Variants in CELF2 observed in about 807,000 individuals in gnomAD.
CELF2 encodes CUGBP Elav-like family member 2, also known as CUG triplet repeat RNA-binding protein 2.
A neutral mutation model predicts 62.6 loss-of-function variants in CELF2; 8 were observed. That is an observed-to-expected ratio of 0.13 (90% CI 0.07 to 0.23). The LOEUF (loss-of-function observed/expected upper bound fraction) is 0.23, where lower values mean the gene tolerates loss of function less well. CELF2 is among the 10% of genes least tolerant of loss of function. The pLI is 1.00. For missense variants in CELF2, 333 were observed against 671.0 expected (o/e 0.50, Z 5.56); for synonymous variants, 258 against 250.0 (o/e 1.03, Z -0.30).
chr10:11,314,757 C>A lies in CELF2; in HGVS notation c.1096+499C>A. ...GATGATTCTTAAAGGTAGCCTCCAGCTCCAAAGTCTAAAGATTCATGACAA... is the reference window on the plus strand; with the variant it reads ...GATGATTCTTAAAGGTAGCCTCCAGATCCAAAGTCTAAAGATTCATGACAA... On this transcript the variant is annotated intron_variant, in intron 10 of 12. Coordinates refer to ENST00000633077, the MANE Select transcript of CELF2 (RefSeq NM_001326342.2). The surrounding 1 kb of genome is among the most constrained non-coding windows in gnomAD (Gnocchi z 5.3). The A allele has an allele frequency of 5.1e-6, 1 of 195,966 alleles. No homozygotes were observed. 12.1% of individuals were successfully genotyped at this position (195,966 alleles called of 1,614,324 possible).
chr10:10,740,023 A>G, the CELF2 span, among the ~76,000 whole-genome samples: 1 of 151,966 alleles, frequency 6.6e-6, no homozygotes, highest in Non-Finnish European at 1.5e-5. Context: ...TTAAGCCCTT[A>G]TTAGATACAT....
At chr10:10,625,068 C>T in the CELF2 span, among the ~76,000 whole-genome samples, 2 of 152,224 alleles carry the variant, frequency 1.3e-5, no homozygotes, top group Admixed American at 6.5e-5. Flanking sequence ...ACTCAGTCTT[C>T]ACACTGCCCT....
At chr10:10,671,962 T>G in the CELF2 span, among the ~76,000 whole-genome samples, 1 of 152,142 alleles carries the variant, frequency 6.6e-6, no homozygotes, top group African/African-American at 2.4e-5. Flanking sequence ...ACGCCTGACC[T>G]CAGGTACTCC....
At chr10:10,787,541 T>C in the CELF2 span, among the ~76,000 whole-genome samples, 1 of 152,240 alleles carries the variant, frequency 6.6e-6, no homozygotes, top group Non-Finnish European at 1.5e-5. Context: ...CAAGCTTGTT[T>C]CTCAGGAAGC....
At chr10:11,208,628 G>A (rs1363914022) in intron 2 of CELF2, among the ~76,000 whole-genome samples, 1 of 152,208 alleles carries the variant, frequency 6.6e-6, no homozygotes, top group East Asian at 1.9e-4. Flanking sequence ...AAACAAGGTA[G>A]GTCAGAGAAT....
intron 2 of CELF2, among the ~76,000 whole-genome samples, chr10:10,967,592 G>A (rs976490744): frequency 2.6e-5 from 4 of 152,182 alleles, no homozygotes; most frequent in African/African-American, 9.7e-5. Flanking sequence ...AGTGCAGGAA[G>A]GTGGGCGCCA....
the CELF2 span, among the ~76,000 whole-genome samples, chr10:10,538,540 G>A: frequency 6.6e-6 from 1 of 152,140 alleles, no homozygotes; most frequent in African/African-American, 2.4e-5. Flanking sequence ...GCCATTATCT[G>A]TCCCTAGAGT....
At chr10:11,188,502 A>T (rs375320798) in intron 2 of CELF2, among the ~76,000 whole-genome samples, 17 of 151,918 alleles carry the variant, frequency 1.1e-4, no homozygotes, top group African/African-American at 3.6e-4. Flanking sequence ...TCTCACTTGT[A>T]TTGTTTCAGA....
rs904622838 is a variant in CELF2, at chr10:11,330,217, CT to C, written c.*1165del. 2 of 152,576 alleles carry C rather than the reference CT, an allele frequency of 1.3e-5. No homozygotes were observed. The highest frequency in any genetic ancestry group is 2.9e-5 in the Non-Finnish European group (2 of 68,038). 9.5% of individuals were successfully genotyped at this position (152,576 alleles called of 1,614,324 possible). On this transcript the variant is annotated 3_prime_UTR_variant, in exon 13 of 13. Transcript: ENST00000633077. The surrounding 1 kb of genome is among the most constrained non-coding windows in gnomAD (Gnocchi z 4.5). ...TTTGTTGAAACTGGACCTTCTCCCC[CT>C]GTCCCTCACCCCAAAACACCCGGAA... is the stretch of plus-strand genomic sequence containing the variant.
chr10:11,157,651 C>CTCTCT lies in CELF2; in HGVS notation c.75-7835_75-7834insTCTCT, dbSNP rs2064809156. ...ATTTTTCAGCTCTCTCACCTTCAAA[C>CTCTCT]CTACCACTGTGCCTGACATAAAGCA... On this transcript the variant is annotated intron_variant, in intron 1 of 12. Coordinates refer to ENST00000633077, the MANE Select transcript of CELF2 (RefSeq NM_001326342.2). This position sits in a 1 kb window ranked among gnomAD's most constrained non-coding sequence, Gnocchi z 4.9. 6.6e-6 allele frequency among the ~76,000 whole-genome samples: 1 copy of CTCTCT among 152,168 alleles called. No homozygotes were observed. The highest frequency in any genetic ancestry group is 1.5e-5 in the Non-Finnish European group (1 of 68,036).
chr10:11,205,140 TG>T (rs2060145565), intron 2 of CELF2, among the ~76,000 whole-genome samples: 1 of 152,186 alleles, frequency 6.6e-6, no homozygotes, highest in Non-Finnish European at 1.5e-5. Context: ...TGCGAATGGG[TG>T]AACTCTGCTA....
chr10:10,502,334 G>A, the CELF2 span, among the ~76,000 whole-genome samples: 2 of 151,786 alleles, frequency 1.3e-5, no homozygotes, highest in African/African-American at 4.8e-5. Context: ...TAGAATTGGT[G>A]TTAGTTCTGT....
intron 1 of CELF2, among the ~76,000 whole-genome samples, chr10:10,915,486 T>A (rs2064246418): frequency 1.3e-5 from 2 of 152,168 alleles, no homozygotes; most frequent in Non-Finnish European, 2.9e-5. Context: ...GCTCACTGCA[T>A]CCTTGAACTC....
intron 7 of CELF2, among the ~76,000 whole-genome samples, chr10:11,272,693 T>C (rs185419834): frequency 3.9e-5 from 6 of 152,344 alleles, no homozygotes; most frequent in Admixed American, 3.3e-4. Flanking sequence ...GGTGATTCTT[T>C]CTTGGCCATG....
At chr10:11,071,370 T>C (rs889228023) in intron 1 of CELF2, among the ~76,000 whole-genome samples, 1 of 152,232 alleles carries the variant, frequency 6.6e-6, no homozygotes, top group Non-Finnish European at 1.5e-5. Context: ...ACCTCCGTTT[T>C]ACAGATGATA....
chr10:10,906,785 C>T (rs2063384861), intron 1 of CELF2, among the ~76,000 whole-genome samples: 1 of 124,552 alleles, frequency 8.0e-6, no homozygotes. Flanking sequence ...GGGGCGCAAT[C>T]TCGGCTCACT....
intron 2 of CELF2, among the ~76,000 whole-genome samples, chr10:11,000,224 T>C (rs201110): frequency 0.3 from 45,329 of 152,052 alleles, 12,062 homozygotes; most frequent in African/African-American, 0.72. Flanking sequence ...ATGGGAAATG[T>C]TTTCCTTTCT....
the CELF2 span, among the ~76,000 whole-genome samples, chr10:10,700,032 C>A: frequency 1.3e-4 from 20 of 152,306 alleles, no homozygotes; most frequent in East Asian, 3.9e-3. Context: ...GAATTTCACC[C>A]CCACTAGGTA....
chr10:10,540,650 C>G, the CELF2 span, among the ~76,000 whole-genome samples: 1 of 152,170 alleles, frequency 6.6e-6, no homozygotes, highest in African/African-American at 2.4e-5. Context: ...AGATAACTTT[C>G]TGATGATCAG....
Sources: allele counts gnomAD v4.1 joint callset (sites outside exome capture counted in the v4.1 genomes callset), GRCh38; gene constraint gnomAD v4.1.1; non-coding constraint Gnocchi (gnomAD v3.1); transcripts MANE v1.5; gene names NCBI Gene and HGNC (gene_info 2026-07-23, HGNC 2026-07-21).